Variants in BPNT2 observed in about 807,000 individuals in gnomAD.
The protein encoded by BPNT2 is 3'(2'), 5'-bisphosphate nucleotidase 2, also known as Golgi-resident adenosine 3',5'-bisphosphate 3'-phosphatase.
In BPNT2, 11 loss-of-function variants were observed where a neutral mutation model predicts 29.3. The observed-to-expected ratio is 0.38, with a 90% CI of 0.24 to 0.62. BPNT2 has a LOEUF of 0.62. Ranked by LOEUF, BPNT2 falls within the 20% of genes least tolerant of loss-of-function variation. The pLI is 0.62. For synonymous variants in BPNT2, 195 were observed against 187.7 expected (o/e 1.04, Z -0.32); for missense variants, 459 against 473.4 (o/e 0.97, Z 0.28).
At chr8:56,982,578 C>A (rs1806262580) in intron 1 of BPNT2, among the ~76,000 whole-genome samples, 1 of 152,154 alleles carries the variant, frequency 6.6e-6, no homozygotes, top group Non-Finnish European at 1.5e-5. Flanking sequence ...ACAAAAATTT[C>A]TGCCCTGTGG....
At chr8:56,990,063 G>A (rs1470231526) in intron 1 of BPNT2, among the ~76,000 whole-genome samples, 4 of 152,210 alleles carry the variant, frequency 2.6e-5, no homozygotes, top group African/African-American at 7.2e-5. Context: ...CAATGCAAGT[G>A]CTCTGTGCAC....
In BPNT2 at chr8:56,962,847, A is replaced by G. The variant is rs1428951948; in HGVS notation, c.*946T>C. 4 of 152,238 alleles carry G rather than the reference A, an allele frequency of 2.6e-5. No homozygotes were observed. Among genetic ancestry groups the G allele is most frequent in the African/African-American group, 9.6e-5 (4 of 41,462 alleles). The allele number at this position is 152,238 out of a possible 1,614,324, so 9.4% of individuals were successfully genotyped here. Reference sequence around the variant, plus strand: ...TACTAAAACAAAGTGTCTGAAGATAATGAAAGGCAGTTCAATTCATGTAAT... The same window carrying G: ...TACTAAAACAAAGTGTCTGAAGATAGTGAAAGGCAGTTCAATTCATGTAAT... On this transcript the variant is annotated 3_prime_UTR_variant, in exon 5 of 5. Transcript: ENST00000262644.
chr8:56,985,917 G>C (rs1210851350), intron 1 of BPNT2, among the ~76,000 whole-genome samples: 1 of 152,170 alleles, frequency 6.6e-6, no homozygotes, highest in African/African-American at 2.4e-5. Context: ...TCACTTTCTG[G>C]CTTAGGCAAT....
intron 1 of BPNT2, among the ~76,000 whole-genome samples, chr8:56,984,788 A>G (rs1358237063): frequency 6.6e-6 from 1 of 151,434 alleles, no homozygotes; most frequent in African/African-American, 2.4e-5. Context: ...TTATGCAGAG[A>G]TAAAATCCAG....
intron 3 of BPNT2, among the ~76,000 whole-genome samples, chr8:56,967,658 T>C (rs1194025647): frequency 1.3e-5 from 2 of 151,974 alleles, no homozygotes; most frequent in African/African-American, 2.4e-5. Flanking sequence ...TTGGAGGAGA[T>C]ACGGGACCAG....
At chr8:56,966,433 T>G (rs906864988) in intron 3 of BPNT2, 81 bp from the exon 4 acceptor site, 1 of 1,187,808 alleles carries the variant, frequency 8.4e-7, no homozygotes, top group Admixed American at 1.7e-5. Flanking sequence ...CAAAGTGCTA[T>G]GTATGACTGA....
At position 56,961,055 on chromosome 8, in the gene BPNT2, G is replaced by T. The variant is rs1229134053; in HGVS notation, c.*2738C>A. 5 of 152,286 alleles carry T rather than the reference G, an allele frequency of 3.3e-5. No homozygotes were observed. Among genetic ancestry groups the T allele is most frequent in the African/African-American group, 7.2e-5 (3 of 41,450 alleles). The allele number at this position is 152,286 out of a possible 1,614,324, so 9.4% of individuals were successfully genotyped here. A position where few individuals can be genotyped will look rare whatever the true frequency, so the allele number is the denominator to read the frequency against. ...CGGTAAGGGAAATGGTCACAAGGTA[G>T]AAGAGATGAAGAAGGGCAGAGGAGG... On this transcript the variant is annotated 3_prime_UTR_variant, in exon 5 of 5. Transcript: ENST00000262644.
At chr8:56,966,566 A>G (rs1805957416) in intron 3 of BPNT2, among the ~76,000 whole-genome samples, 1 of 152,220 alleles carries the variant, frequency 6.6e-6, no homozygotes, top group African/African-American at 2.4e-5. Flanking sequence ...ACAAAACTAA[A>G]AAAGTTCATG....
rs530061052 is a variant in BPNT2, at chr8:56,986,029, T to C, written c.388-5832A>G. On this transcript the variant is annotated intron_variant, in intron 1 of 4. Transcript: ENST00000262644. Reference sequence around the variant, plus strand: ...CATCAACTAGGTCACAGTCACTACATGGAGGACAACTGCTTTGGAGAGTGT... The same window carrying C: ...CATCAACTAGGTCACAGTCACTACACGGAGGACAACTGCTTTGGAGAGTGT... 2.6e-5 allele frequency among the ~76,000 whole-genome samples: 4 copies of C among 152,350 alleles called. No homozygotes were observed. The South Asian group carries it at 8.3e-4, about 32-fold the overall frequency.
intron 3 of BPNT2, among the ~76,000 whole-genome samples, chr8:56,972,428 T>C (rs1257245549): frequency 6.6e-6 from 1 of 151,538 alleles, no homozygotes; most frequent in African/African-American, 2.4e-5. Flanking sequence ...TAAGAATAAT[T>C]GTGGGAAAAA....
chr8:56,976,306 A>T (rs1422547070), intron 3 of BPNT2, among the ~76,000 whole-genome samples: 1 of 152,188 alleles, frequency 6.6e-6, no homozygotes, highest in African/African-American at 2.4e-5. Context: ...GGCTGCTTAT[A>T]TACTGTCTGT....
chr8:56,964,933 C>T (rs1280751168), intron 4 of BPNT2, among the ~76,000 whole-genome samples: 1 of 152,164 alleles, frequency 6.6e-6, no homozygotes, highest in African/African-American at 2.4e-5. Context: ...CTTTTCCTAA[C>T]CAACCTAACA....
chr8:56,982,017 A>T (rs1469642646), intron 1 of BPNT2, among the ~76,000 whole-genome samples: 1 of 152,216 alleles, frequency 6.6e-6, no homozygotes, highest in African/African-American at 2.4e-5. Flanking sequence ...AAAAAATATA[A>T]CTATCACCAA....
At chr8:56,988,524 A>G (rs1320484942) in intron 1 of BPNT2, among the ~76,000 whole-genome samples, 1 of 152,240 alleles carries the variant, frequency 6.6e-6, no homozygotes. Flanking sequence ...GCATTTAATA[A>G]AGGTTGGTTG....
At position 56,964,388 on chromosome 8, in the gene BPNT2, T is replaced by C. The variant is rs562795101; in HGVS notation, c.809-324A>G. 9 of 232,728 alleles carry C rather than the reference T, an allele frequency of 3.9e-5. 1 individual carries two copies. In the South Asian group the frequency reaches 4.6e-4, roughly 12 times the overall value. 14.4% of individuals were successfully genotyped at this position (232,728 alleles called of 1,614,324 possible). On this transcript the variant is annotated intron_variant, in intron 4 of 4. Transcript: ENST00000262644. ...ATCTTGGCTCACTGCAACCTCCACC[T>C]CTCGGGTTCAAGCGATTCTCCTGCC...
At position 56,963,435 on chromosome 8, in the gene BPNT2, C is replaced by T. The variant is rs141905474; in HGVS notation, c.*358G>A. ...CACAAAAATCAATCTTTCCTTCAAC[C>T]GAATTCTATATGAAAGTACTAACAG... On this transcript the variant is annotated 3_prime_UTR_variant, in exon 5 of 5. Transcript: ENST00000262644. The T allele has an allele frequency of 1.3e-3, 249 of 189,420 alleles. 2 individuals are homozygous for T. The highest frequency in any genetic ancestry group is 0.011 in the Admixed American group (194 of 17,476). The allele number at this position is 189,420 out of a possible 1,614,324, so 11.7% of individuals were successfully genotyped here.
chr8:56,975,457 T>C (rs1806116968), intron 3 of BPNT2, among the ~76,000 whole-genome samples: 1 of 152,174 alleles, frequency 6.6e-6, no homozygotes. Context: ...AACTTTTATA[T>C]GCCTGTTTTT....
Position 56,993,299 on chromosome 8 carries a change from C to T in BPNT2, c.287G>A (p.Gly96Glu), listed in dbSNP as rs1364550220. The T allele has an allele frequency of 6.2e-7, 1 of 1,612,310 alleles. No individual in the cohort carries two copies. Residue 96 changes from glycine (G) to glutamate (E), a missense_variant, in exon 1 of 5, where the codon GGG becomes GAG. Transcript: ENST00000262644. ...ESNVLHEKSK[G>E]KTREGAEDKM... ...GTCCTCGGCTCCCTCGCGCGTCTTC[C>T]CCTTGGACTTCTCGTGGAGGACGTT... is the stretch of plus-strand genomic sequence containing the variant.
chr8:56,978,151 A>AG lies in BPNT2; in HGVS notation c.551-7dup. On this transcript the variant is annotated splice_region_variant and splice_polypyrimidine_tract_variant and intron_variant, in intron 2 of 4. Transcript: ENST00000262644. ...GACGTACTTTCGAAGATCCTCTATG[A>AG]GAAAAAAAACAAAACAACACACACA... 1 of 1,572,678 alleles carries AG rather than the reference A, an allele frequency of 6.4e-7. No homozygotes were observed. The highest frequency in any genetic ancestry group is 1.3e-5 in the African/African-American group (1 of 74,220).
Sources: gnomAD v4.1 joint callset for allele counts (sites outside exome capture counted in the v4.1 genomes callset) on GRCh38, gnomAD v4.1.1 for gene constraint, MANE v1.5 for transcripts, NCBI Gene and HGNC (gene_info 2026-07-23, HGNC 2026-07-21) for gene names.